Variants in CCSER2 observed in about 807,000 individuals in gnomAD.
CCSER2 encodes serine-rich coiled-coil domain-containing protein 2.
A neutral mutation model predicts 92.3 loss-of-function variants in CCSER2; 46 were observed. That is an observed-to-expected ratio of 0.50 (90% confidence interval 0.39 to 0.64). The LOEUF (loss-of-function observed/expected upper bound fraction) is 0.64, where lower values mean the gene tolerates loss of function less well. Among genes scored for constraint, CCSER2 ranks in the 30% least tolerant of loss-of-function variants. The pLI is 0.00. For missense variants in CCSER2, 1,244 were observed against 1,238.9 expected (o/e 1.00, Z -0.06); for synonymous variants, 433 against 431.4 (o/e 1.00, Z -0.04).
rs191642041 is a variant in CCSER2 at position 84,517,334 on chromosome 10, G to A, written c.*3067G>A. On this transcript the variant is annotated 3_prime_UTR_variant, in exon 10 of 10. Transcript: ENST00000372088. Reference sequence around the variant, plus strand: ...TGCAGATGATTTTAAGGCATTAAAGGATTATAGAGTTATGTCATTTAGACT... The same window carrying A: ...TGCAGATGATTTTAAGGCATTAAAGAATTATAGAGTTATGTCATTTAGACT... 3.3e-5 allele frequency: 5 copies of A among 152,714 alleles called. No homozygotes were observed. Among genetic ancestry groups the A allele is most frequent in the African/African-American group, 1.2e-4 (5 of 41,572 alleles). The allele number at this position is 152,714 out of a possible 1,614,324, so 9.5% of individuals were successfully genotyped here. A position where few individuals can be genotyped will look rare whatever the true frequency, so the allele number is the denominator to read the frequency against.
At chr10:84,379,216 T>C (rs921746109) in intron 3 of CCSER2, among the ~76,000 whole-genome samples, 2 of 152,170 alleles carry the variant, frequency 1.3e-5, no homozygotes, top group Non-Finnish European at 2.9e-5. Flanking sequence ...GTCCATTTCA[T>C]CTAAACTTGT....
intron 6 of CCSER2, among the ~76,000 whole-genome samples, chr10:84,447,208 C>T (rs1844978893): frequency 6.6e-6 from 1 of 152,158 alleles, no homozygotes; most frequent in Non-Finnish European, 1.5e-5. Context: ...TTTTTACTCC[C>T]CTCAAGTAGT....
intron 9 of CCSER2, among the ~76,000 whole-genome samples, chr10:84,484,903 A>G (rs1336440605): frequency 6.6e-6 from 1 of 152,228 alleles, no homozygotes; most frequent in Non-Finnish European, 1.5e-5. Flanking sequence ...AAAAAACATA[A>G]TTGTTTCTTA....
At chr10:84,349,576 G>T (rs191811607) in intron 1 of CCSER2, among the ~76,000 whole-genome samples, 194 of 152,222 alleles carry the variant, frequency 1.3e-3, no homozygotes, top group Admixed American at 2.6e-3. Flanking sequence ...CAGCTACTAG[G>T]GAGGCTGAGA....
chr10:84,474,486 C>T (rs572217470), intron 8 of CCSER2, among the ~76,000 whole-genome samples: 25 of 151,856 alleles, frequency 1.6e-4, no homozygotes, highest in Non-Finnish European at 3.5e-4. Context: ...CATGGTGAAA[C>T]CCTGTCTCTA....
intron 3 of CCSER2, among the ~76,000 whole-genome samples, chr10:84,384,033 A>G (rs1841058616): frequency 1.3e-5 from 2 of 152,210 alleles, no homozygotes; most frequent in South Asian, 4.1e-4. Context: ...ACAAACTAGA[A>G]AACCTAGAGG....
intron 6 of CCSER2, among the ~76,000 whole-genome samples, chr10:84,440,392 A>T (rs1404563242): frequency 1.3e-5 from 2 of 152,214 alleles, no homozygotes; most frequent in East Asian, 1.9e-4. Context: ...TCAAAATTTC[A>T]TGTCATTGCC....
At chr10:84,344,698 C>CT (rs1219330722) in intron 1 of CCSER2, among the ~76,000 whole-genome samples, 2 of 152,058 alleles carry the variant, frequency 1.3e-5, no homozygotes, top group Non-Finnish European at 2.9e-5. Context: ...GTAGTGTGCA[C>CT]TTTGGTAAGG....
At chr10:84,457,264 AT>A (rs1489338567) in intron 6 of CCSER2, among the ~76,000 whole-genome samples, 63 of 27,978 alleles carry the variant, frequency 2.3e-3, no homozygotes, top group African/African-American at 0.01. Flanking sequence ...TATAAAATAT[AT>A]TATATATAAT....
At chr10:84,398,259 T>A (rs1841945512) in intron 3 of CCSER2, among the ~76,000 whole-genome samples, 1 of 152,178 alleles carries the variant, frequency 6.6e-6, no homozygotes, top group Admixed American at 6.5e-5. Flanking sequence ...CTTCTGTCTG[T>A]CTTCTGCCTC....
intron 1 of CCSER2, among the ~76,000 whole-genome samples, chr10:84,329,425 C>T (rs1419798369): frequency 6.6e-6 from 1 of 152,128 alleles, no homozygotes; most frequent in African/African-American, 2.4e-5. Flanking sequence ...ATTGCATATT[C>T]ATCTGTGTGG....
At chr10:84,476,812 T>C (rs1847177173) in intron 8 of CCSER2, among the ~76,000 whole-genome samples, 1 of 152,150 alleles carries the variant, frequency 6.6e-6, no homozygotes, top group African/African-American at 2.4e-5. Flanking sequence ...AAAGTTACTT[T>C]GTGTTATATA....
intron 5 of CCSER2, among the ~76,000 whole-genome samples, chr10:84,437,182 G>A (rs1844221706): frequency 6.6e-6 from 1 of 151,710 alleles, no homozygotes; most frequent in South Asian, 2.1e-4. Context: ...GAGACAGAGA[G>A]ACAGAGAGAG....
intron 1 of CCSER2, among the ~76,000 whole-genome samples, chr10:84,342,427 G>C (rs894787781): frequency 1.3e-5 from 2 of 152,102 alleles, no homozygotes; most frequent in Non-Finnish European, 2.9e-5. Context: ...AGCTACTCCT[G>C]CCTTAACTCT....
intron 3 of CCSER2, among the ~76,000 whole-genome samples, chr10:84,400,691 A>C (rs1024551273): frequency 5.3e-5 from 8 of 152,138 alleles, no homozygotes; most frequent in African/African-American, 1.9e-4. Flanking sequence ...AGGCGGGTGG[A>C]TCACCTGAGG....
At chr10:84,429,976 A>G (rs1406155647) in intron 5 of CCSER2, among the ~76,000 whole-genome samples, 2 of 151,844 alleles carry the variant, frequency 1.3e-5, no homozygotes, top group African/African-American at 4.8e-5. Flanking sequence ...ACTTTTCTAG[A>G]CAGATTCTGT....
At chr10:84,415,719 T>C (rs1244860195) in intron 3 of CCSER2, among the ~76,000 whole-genome samples, 1 of 152,204 alleles carries the variant, frequency 6.6e-6, no homozygotes, top group Non-Finnish European at 1.5e-5. Flanking sequence ...ACTTTCTTGT[T>C]CGGACTGTCT....
At chr10:84,507,303 A>C in intron 9 of CCSER2, 13 of 985,258 alleles carry the variant, frequency 1.3e-5, no homozygotes, top group Non-Finnish European at 1.4e-5. Context: ...GGAGTTGAGA[A>C]GTTAGTCCAT....
chr10:84,460,947 T>A (rs1251476468), intron 6 of CCSER2, among the ~76,000 whole-genome samples: 1 of 152,326 alleles, frequency 6.6e-6, no homozygotes. Context: ...TTGTGTTTTT[T>A]AATTTTCAGT....
Sources: gnomAD v4.1 joint callset for allele counts (sites outside exome capture counted in the v4.1 genomes callset) on GRCh38, gnomAD v4.1.1 for gene constraint, MANE v1.5 for transcripts, NCBI Gene and HGNC (gene_info 2026-07-23, HGNC 2026-07-21) for gene names.